DPF3: variants seen among roughly 807,000 people sequenced by gnomAD.
DPF3 encodes the protein double PHD fingers 3.
Under a neutral mutation model 56.8 loss-of-function variants are expected in DPF3, and 18 were observed. The observed-to-expected ratio is 0.32, with a 90% CI of 0.22 to 0.47. The LOEUF (loss-of-function observed/expected upper bound fraction) is 0.47. Ranked by LOEUF, DPF3 falls within the 20% of genes least tolerant of loss-of-function variation. The pLI, the probability that DPF3 is intolerant of heterozygous loss-of-function variation, is 1.00. For synonymous variants in DPF3, 188 were observed against 180.2 expected, an observed-to-expected ratio of 1.04 and a Z score of -0.35; for missense variants, 403 against 488.8, an observed-to-expected ratio of 0.82 and a Z score of 1.65.
intron 6 of DPF3, among the ~76,000 whole-genome samples, chr14:72,706,973 C>A (rs565115287): frequency 8.5e-5 from 13 of 152,140 alleles, no homozygotes; most frequent in African/African-American, 3.1e-4. Flanking sequence ...CTATCCCTAC[C>A]CCCTCCCCCA....
intron 6 of DPF3, among the ~76,000 whole-genome samples, chr14:72,703,208 C>T (rs1016719227): frequency 6.6e-6 from 1 of 152,164 alleles, no homozygotes; most frequent in Non-Finnish European, 1.5e-5. Flanking sequence ...CCCGTGGCTT[C>T]ATACCTTCTT....
In DPF3 at chr14:72,732,503, T is replaced by C. The variant is rs115678201; in HGVS notation, c.302-569A>G. On this transcript the variant is annotated intron_variant, in intron 3 of 10. Coordinates refer to ENST00000556509, the MANE Select transcript of DPF3 (RefSeq NM_001280542.3). Reference sequence around the variant, plus strand: ...AAAAGCTAGTTCAGCCTCAGAAAGGTTGTTCTCTTCAACCCAGGGGGAAGT... The same window carrying C: ...AAAAGCTAGTTCAGCCTCAGAAAGGCTGTTCTCTTCAACCCAGGGGGAAGT... Among the ~76,000 whole-genome samples, 597 of 152,264 alleles carry C rather than the reference T, an allele frequency of 3.9e-3. 5 individuals carry two copies. Among genetic ancestry groups the C allele is most frequent in the African/African-American group, 0.014 (565 of 41,572 alleles).
intron 4 of DPF3, among the ~76,000 whole-genome samples, chr14:72,727,871 A>G (rs1286250810): frequency 2.6e-5 from 4 of 152,226 alleles, no homozygotes; most frequent in Non-Finnish European, 4.4e-5. Flanking sequence ...TTAATAATGC[A>G]AAGTCAATAA....
At chr14:72,888,889 T>A (rs887344754) in intron 1 of DPF3, among the ~76,000 whole-genome samples, 3 of 152,242 alleles carry the variant, frequency 2.0e-5, no homozygotes, top group Non-Finnish European at 4.4e-5. Context: ...TGCCTCTTTA[T>A]GACCCAGCCC....
chr14:72,724,095 C>T (rs1450399187), intron 4 of DPF3: 1 of 179,036 alleles, frequency 5.6e-6, no homozygotes, highest in Non-Finnish European at 1.1e-5. Flanking sequence ...AAAGGGCCAC[C>T]TCAGAAATAT....
chr14:72,621,987 C>CTGGGCCTGAGATA (rs1345256129), intron 9 of DPF3, among the ~76,000 whole-genome samples: 2 of 152,158 alleles, frequency 1.3e-5, no homozygotes, highest in Non-Finnish European at 2.9e-5. Flanking sequence ...GGAGAGAAGT[C>CTGGGCCTGAGATA]TGGGCCTGAG....
intron 1 of DPF3, among the ~76,000 whole-genome samples, chr14:72,792,548 A>T (rs1187119755): frequency 6.6e-6 from 1 of 152,214 alleles, no homozygotes; most frequent in Non-Finnish European, 1.5e-5. Context: ...AGCCCAAAAT[A>T]GTCCACACCA....
chr14:72,673,961 G>A (rs1173884856), intron 8 of DPF3: 7 of 386,048 alleles, frequency 1.8e-5, no homozygotes, highest in Non-Finnish European at 4.6e-6. Context: ...CCTCGCTGTG[G>A]TCCGTAAAAA....
rs190387932 is a variant in DPF3, at chr14:72,765,764, G to A, written c.193+5969C>T. On this transcript the variant is annotated intron_variant, in intron 2 of 10. Coordinates refer to ENST00000556509, the MANE Select transcript of DPF3 (RefSeq NM_001280542.3). ...AGATCGAGACCATCCTGGCTAACACGGTGAAACCCCATCTCTACTAAAAAT... is the reference window on the plus strand; with the variant it reads ...AGATCGAGACCATCCTGGCTAACACAGTGAAACCCCATCTCTACTAAAAAT... 2.8e-3 allele frequency among the ~76,000 whole-genome samples: 432 copies of A among 152,270 alleles called. 3 individuals are homozygous for A. The highest frequency in any genetic ancestry group is 0.024 in the Middle Eastern group (7 of 294).
At chr14:72,639,117 T>A (rs534287074) in intron 8 of DPF3, among the ~76,000 whole-genome samples, 2 of 152,374 alleles carry the variant, frequency 1.3e-5, no homozygotes, top group African/African-American at 2.4e-5. Flanking sequence ...GCGCCATTTT[T>A]AAATCATTTT....
In DPF3 at chr14:72,690,231, G is replaced by A. The variant is rs561567264; in HGVS notation, c.742+2845C>T. On this transcript the variant is annotated intron_variant, in intron 7 of 10. Transcript: ENST00000556509. ...CACAGCTTCTTTCCCAAGCAAGGCT[G>A]TGTGGCCTCAAGGGGAGAACACTAG... Among the ~76,000 whole-genome samples, 11 of 152,332 alleles carry A rather than the reference G, an allele frequency of 7.2e-5. No homozygotes were observed. The South Asian group carries it at 2.3e-3, about 32-fold the overall frequency.
chr14:72,794,421 A>G (rs1385344922), intron 1 of DPF3, among the ~76,000 whole-genome samples: 2 of 152,198 alleles, frequency 1.3e-5, no homozygotes. Context: ...GCTCAATGCC[A>G]TTGCTACAGA....
chr14:72,689,202 G>A (rs542389029), intron 7 of DPF3, among the ~76,000 whole-genome samples: 2 of 152,186 alleles, frequency 1.3e-5, no homozygotes, highest in Non-Finnish European at 1.5e-5. Flanking sequence ...TGAAGACAAA[G>A]CTGGGGGGCG....
intron 5 of DPF3, 81 bp downstream of exon 5, chr14:72,723,552 T>C: frequency 8.6e-7 from 1 of 1,163,128 alleles, no homozygotes; most frequent in Non-Finnish European, 1.2e-6. Flanking sequence ...GATTTCCATC[T>C]AGCTGCAGTG....
At chr14:72,638,671 T>C (rs928119505) in intron 8 of DPF3, among the ~76,000 whole-genome samples, 2 of 152,084 alleles carry the variant, frequency 1.3e-5, no homozygotes, top group Admixed American at 6.5e-5. Context: ...AATTTTTTCT[T>C]CCAAAAAATA....
intron 1 of DPF3, among the ~76,000 whole-genome samples, chr14:72,818,979 G>A (rs1201706003): frequency 2.0e-5 from 3 of 152,050 alleles, no homozygotes; most frequent in South Asian, 4.2e-4. Context: ...ATATGACAAA[G>A]GATCTATATC....
At position 72,618,909 on chromosome 14, in the gene DPF3, A is replaced by C. The variant is rs1367108464; in HGVS notation, c.*388T>G. Among the ~76,000 whole-genome samples the C allele has an allele frequency of 2.6e-5, 4 of 152,184 alleles. No individual in the cohort carries two copies. Among genetic ancestry groups the C allele is most frequent in the African/African-American group, 9.7e-5 (4 of 41,442 alleles). On this transcript the variant is annotated 3_prime_UTR_variant, in exon 11 of 11. Transcript: ENST00000556509. ...CGGGGGCTGTGCCAAGATTTCTTGGAACACAATAGATAAAAAAACACCACA... is the reference window on the plus strand; with the variant it reads ...CGGGGGCTGTGCCAAGATTTCTTGGCACACAATAGATAAAAAAACACCACA...
At chr14:72,663,973 C>A (rs909955197) in intron 8 of DPF3, among the ~76,000 whole-genome samples, 1 of 152,050 alleles carries the variant, frequency 6.6e-6, no homozygotes, top group Admixed American at 6.5e-5. Context: ...GTCCTCCCTC[C>A]ACACCTGCTC....
At chr14:72,809,073 T>C (rs1470351508) in intron 1 of DPF3, among the ~76,000 whole-genome samples, 1 of 152,220 alleles carries the variant, frequency 6.6e-6, no homozygotes, top group Admixed American at 6.5e-5. Context: ...GAGTTGGTTG[T>C]TAAAACACCA....
Sources: allele counts gnomAD v4.1 joint callset (sites outside exome capture counted in the v4.1 genomes callset), GRCh38; gene constraint gnomAD v4.1.1; transcripts MANE v1.5; gene names NCBI Gene and HGNC (gene_info 2026-07-23, HGNC 2026-07-21).